REC114: variants seen among roughly 807,000 people sequenced by gnomAD.
REC114 encodes meiotic recombination protein REC114.
A neutral mutation model predicts 31.3 loss-of-function variants in REC114; 27 were observed. That is an observed-to-expected ratio of 0.86 (90% CI 0.64 to 1.19). REC114 has a LOEUF of 1.19. Among genes scored for constraint, REC114 ranks in the 50% most tolerant of loss-of-function variants. The pLI is 0.00. For missense variants in REC114, 344 were observed against 326.9 expected, an observed-to-expected ratio of 1.05 and a Z score of -0.40; for synonymous variants, 134 against 127.7, an observed-to-expected ratio of 1.05 and a Z score of -0.33.
intron 1 of REC114, among the ~76,000 whole-genome samples, chr15:73,460,179 CAT>C (rs1443898380): frequency 7.9e-5 from 12 of 152,056 alleles, no homozygotes; most frequent in African/African-American, 2.7e-4. Flanking sequence ...GTGTAACAGA[CAT>C]AGTTTTCATA....
intron 4 of REC114, among the ~76,000 whole-genome samples, chr15:73,553,174 A>C (rs1894415650): frequency 6.6e-6 from 1 of 152,136 alleles, no homozygotes; most frequent in Non-Finnish European, 1.5e-5. Flanking sequence ...TTCATTATTT[A>C]TTATACAATC....
chr15:73,481,977 G>A (rs1248888794), intron 2 of REC114, among the ~76,000 whole-genome samples: 2 of 152,000 alleles, frequency 1.3e-5, no homozygotes, highest in Non-Finnish European at 2.9e-5. Flanking sequence ...CCATTTTTAA[G>A]TGTACATGTC....
intron 2 of REC114, among the ~76,000 whole-genome samples, chr15:73,516,786 C>T (rs1048470055): frequency 6.6e-6 from 1 of 152,152 alleles, no homozygotes; most frequent in Non-Finnish European, 1.5e-5. Context: ...TGCCACCATG[C>T]CAGGCCTATT....
intron 2 of REC114, among the ~76,000 whole-genome samples, chr15:73,489,056 CAGGATTGGTGTCTGGTG>C (rs1893410496): frequency 6.6e-6 from 1 of 152,138 alleles, no homozygotes; most frequent in African/African-American, 2.4e-5. Context: ...AAGGCACCAG[CAGGATTGGTGTCTGGTG>C]AGTGCTGCTC....
chr15:73,558,180 A>C (rs1894500568), intron 5 of REC114, among the ~76,000 whole-genome samples: 3 of 152,164 alleles, frequency 2.0e-5, no homozygotes, highest in Admixed American at 2.0e-4. Flanking sequence ...CCCCATCTCT[A>C]AAAATAAACA....
chr15:73,532,137 G>A (rs751082356), intron 2 of REC114, among the ~76,000 whole-genome samples: 9 of 136,950 alleles, frequency 6.6e-5, no homozygotes, highest in Non-Finnish European at 7.8e-5. Flanking sequence ...CTCCCCCCTC[G>A]CCCCACCCCA....
intron 2 of REC114, among the ~76,000 whole-genome samples, chr15:73,491,066 G>T (rs1893434533): frequency 6.6e-6 from 1 of 150,816 alleles, no homozygotes. Flanking sequence ...TCATTTTATG[G>T]ATGTACCACA....
intron 2 of REC114, among the ~76,000 whole-genome samples, chr15:73,518,105 G>GGC (rs1191493332): frequency 2.0e-5 from 3 of 152,176 alleles, no homozygotes; most frequent in Non-Finnish European, 4.4e-5. Context: ...TTTTTAAAAT[G>GGC]GCATAGCAAT....
chr15:73,559,396 G>C (rs922106566), intron 5 of REC114, among the ~76,000 whole-genome samples: 2 of 152,262 alleles, frequency 1.3e-5, no homozygotes, highest in South Asian at 4.1e-4. Context: ...TGAGCTAGTG[G>C]AGCTCATTCA....
At chr15:73,494,626 T>G (rs1893493004) in intron 2 of REC114, among the ~76,000 whole-genome samples, 1 of 152,238 alleles carries the variant, frequency 6.6e-6, no homozygotes, top group Admixed American at 6.5e-5. Context: ...ATAACAGTTA[T>G]GCAGCTTTCT....
At chr15:73,471,507 G>A (rs1345928345) in intron 1 of REC114, among the ~76,000 whole-genome samples, 1 of 152,198 alleles carries the variant, frequency 6.6e-6, no homozygotes, top group Non-Finnish European at 1.5e-5. Context: ...AAGGTTAGGA[G>A]TTCAAGTTAG....
intron 2 of REC114, among the ~76,000 whole-genome samples, chr15:73,489,623 A>G (rs1893418246): frequency 6.6e-6 from 1 of 151,836 alleles, no homozygotes; most frequent in African/African-American, 2.4e-5. Context: ...TTATTATGTA[A>G]AGGCCCACCT....
At chr15:73,470,071 C>A (rs1893113258) in intron 1 of REC114, among the ~76,000 whole-genome samples, 1 of 151,908 alleles carries the variant, frequency 6.6e-6, no homozygotes, top group Non-Finnish European at 1.5e-5. Context: ...TCTTTTTTAT[C>A]CAATCTGACA....
At chr15:73,530,512 G>T (rs901969537) in intron 2 of REC114, among the ~76,000 whole-genome samples, 4 of 152,144 alleles carry the variant, frequency 2.6e-5, no homozygotes, top group African/African-American at 9.7e-5. Flanking sequence ...GCTGGGCATG[G>T]TGGTGCATGC....
intron 5 of REC114, 38 bp from the exon 6 acceptor site, chr15:73,559,714 A>C: frequency 6.7e-7 from 1 of 1,499,360 alleles, no homozygotes; most frequent in Non-Finnish European, 8.8e-7. Context: ...TATTGCTTTT[A>C]CCTGTAATCT....
rs566264427 is a variant in REC114, at chr15:73,487,426, A to G, written c.249+13505A>G. Among the ~76,000 whole-genome samples the G allele has an allele frequency of 2.6e-5, 4 of 152,362 alleles. No homozygotes were observed. In the East Asian group the frequency reaches 7.7e-4, roughly 29 times the overall value. On this transcript the variant is annotated intron_variant, in intron 2 of 5. Transcript: ENST00000331090. Reference sequence around the variant, plus strand: ...ACAGGTTATATCCTTCCAAAGTACAATGGTGAGATGGGCATAGGATAGACA... The same window carrying G: ...ACAGGTTATATCCTTCCAAAGTACAGTGGTGAGATGGGCATAGGATAGACA...
chr15:73,531,020 G>T (rs1335502261), intron 2 of REC114, among the ~76,000 whole-genome samples: 1 of 152,096 alleles, frequency 6.6e-6, no homozygotes, highest in Non-Finnish European at 1.5e-5. Flanking sequence ...CAGCAGGTGT[G>T]AACATTTAGA....
intron 2 of REC114, among the ~76,000 whole-genome samples, chr15:73,495,753 T>C (rs1343455976): frequency 1.3e-5 from 2 of 152,164 alleles, no homozygotes; most frequent in Non-Finnish European, 2.9e-5. Context: ...CTAGGTTCAA[T>C]TGGATTAGCT....
rs140220739 is a variant in REC114, at chr15:73,514,452, C to A, written c.250-26033C>A. 2.2e-3 allele frequency among the ~76,000 whole-genome samples: 338 copies of A among 152,206 alleles called. 2 individuals are homozygous for A. The highest frequency in any genetic ancestry group is 7.8e-3 in the African/African-American group (323 of 41,520). On this transcript the variant is annotated intron_variant, in intron 2 of 5. Transcript: ENST00000331090. The stretch of plus-strand genomic sequence containing the variant: ...GTAGACCGGAGCTGTTCCTATTCGG[C>A]CATCTTGGCTCCTCCCCCGCCACAG...
Sources: gnomAD v4.1 joint callset for allele counts (sites outside exome capture counted in the v4.1 genomes callset) on GRCh38, gnomAD v4.1.1 for gene constraint, MANE v1.5 for transcripts, NCBI Gene and HGNC (gene_info 2026-07-23, HGNC 2026-07-21) for gene names.